The following NBPF20 variants were observed in gnomAD, a reference collection of about 807,000 sequenced individuals.
NBPF20 encodes NBPF family member NBPF20.
A neutral mutation model predicts 68.1 loss-of-function variants in NBPF20; 90 were observed. The observed-to-expected ratio is 1.32, with a 90% CI of 1.11 to 1.58. NBPF20 has a LOEUF of 1.58. Among genes scored for constraint, NBPF20 ranks in the 40% most tolerant of loss-of-function variants. The probability of loss-of-function intolerance (pLI) is 0.00; values close to 1 mark genes in which losing one functional copy is unlikely to be tolerated. For synonymous variants in NBPF20, 290 were observed against 228.1 expected (o/e 1.27, Z -2.45); for missense variants, 816 against 601.2 (o/e 1.36, Z -3.74).
chr1:145,394,816 C>G (rs1428830782), intron 8 of NBPF20, among the ~76,000 whole-genome samples, 162 bp downstream of exon 13: 2 of 152,254 alleles, frequency 1.3e-5, no homozygotes, highest in African/African-American at 4.8e-5. Context: ...CATGCCTGTG[C>G]TTCAGACTCG....
chr1:145,397,561 C>T lies in NBPF20; in HGVS notation c.827+1488G>A, dbSNP rs1393983058. 5.4e-4 allele frequency among the ~76,000 whole-genome samples: 83 copies of T among 152,296 alleles called. 1 individual carries two copies. The highest frequency in any genetic ancestry group is 9.8e-4 in the Admixed American group (15 of 15,300). On this transcript the variant is annotated intron_variant, in intron 7 of 137. Coordinates refer to ENST00000369373, the Ensembl canonical transcript of NBPF20. ...AGAGATTTTGTCACCACCAGGCCTGCCTTACAAGAGCTCCTAAAGGAAGCA... is the reference window on the plus strand; with the variant it reads ...AGAGATTTTGTCACCACCAGGCCTGTCTTACAAGAGCTCCTAAAGGAAGCA...
At chr1:145,403,701 C>T (rs1294462812) in intron 2 of NBPF20, among the ~76,000 whole-genome samples, 1 of 151,986 alleles carries the variant, frequency 6.6e-6, no homozygotes. Flanking sequence ...GTCGGGAAGG[C>T]CCCTAGGACT....
At chr1:145,400,122 T>G (rs77003844) in intron 6 of NBPF20, among the ~76,000 whole-genome samples, 207 of 152,294 alleles carry the variant, frequency 1.4e-3, no homozygotes, top group African/African-American at 3.6e-3. Context: ...TCGAAGCTAG[T>G]AGGCCTGACA....
intron 2 of NBPF20, among the ~76,000 whole-genome samples, chr1:145,403,914 A>C (rs1264147086): frequency 6.6e-6 from 1 of 151,574 alleles, no homozygotes; most frequent in Non-Finnish European, 1.5e-5. Context: ...TAGAAACAGC[A>C]GAATGAAGAA....
chr1:145,405,314 A>T lies in NBPF20; in HGVS notation c.-35-7T>A. The T allele has an allele frequency of 6.4e-7, 1 of 1,554,586 alleles. No homozygotes were observed. The highest frequency in any genetic ancestry group is 8.8e-7 in the Non-Finnish European group (1 of 1,131,470). On this transcript the variant is annotated splice_region_variant and splice_polypyrimidine_tract_variant and intron_variant, in intron 1 of 137. Coordinates refer to ENST00000369373, the Ensembl canonical transcript of NBPF20. ...GAAGAGGTGGAGTCAGGGACTGGGG[A>T]GAAGAAACCCAAACATATGATGGGT...
intron 9 of NBPF20, 42 bp downstream of exon 14, chr1:145,393,842 G>C (rs1436879197): frequency 7.1e-7 from 1 of 1,406,640 alleles, no homozygotes; most frequent in South Asian, 1.1e-5. Flanking sequence ...GCATCTCCAG[G>C]TGTCAACATC....
chr1:145,417,327 A>G, the NBPF20 span, among the ~76,000 whole-genome samples: 1 of 150,628 alleles, frequency 6.6e-6, no homozygotes. Context: ...TAAATCTTAC[A>G]CGTAAATGTA....
chr1:145,400,007 C>T (rs1662439559), intron 6 of NBPF20, among the ~76,000 whole-genome samples: 1 of 152,170 alleles, frequency 6.6e-6, no homozygotes, highest in South Asian at 2.1e-4. Flanking sequence ...AACAATATTT[C>T]CAAATACAAA....
At chr1:145,410,124 C>T (rs1347393985), upstream of NBPF20, among the ~76,000 whole-genome samples, 1 of 152,080 alleles carries the variant, frequency 6.6e-6, no homozygotes, top group African/African-American at 2.4e-5. Context: ...AGGAGCCATA[C>T]CATTTTTCAT....
chr1:145,424,582 A>G, the NBPF20 span, among the ~76,000 whole-genome samples: 1 of 152,242 alleles, frequency 6.6e-6, no homozygotes, highest in Admixed American at 6.5e-5. Flanking sequence ...TATCACTGCA[A>G]GAAAAGACTT....
chr1:145,408,830 T>C (rs1553668339), upstream of NBPF20, among the ~76,000 whole-genome samples: 2 of 152,060 alleles, frequency 1.3e-5, no homozygotes, highest in Non-Finnish European at 2.9e-5. Context: ...TGATTCTGGT[T>C]ATTAATCTCT....
intron 137 of NBPF20, 112 bp from the exon 143 acceptor site, chr1:145,291,881 T>C (rs368877511): frequency 1.9e-6 from 3 of 1,589,200 alleles, no homozygotes; most frequent in Admixed American, 3.7e-5. Flanking sequence ...AAAGGATAGA[T>C]CCATTAATGA....
At position 145,402,395 on chromosome 1, in the gene NBPF20, G is replaced by C; in HGVS notation, c.279-14C>G. The C allele has an allele frequency of 5.6e-6, 9 of 1,601,710 alleles. No homozygotes were observed. Among genetic ancestry groups the C allele is most frequent in the Non-Finnish European group, 6.8e-6 (8 of 1,170,570 alleles). ...ACTTTATATTGCCTAAGGTGAGACGGTAGAGAAAATTTAAGAGTGGAAAGG... is the reference window on the plus strand; with the variant it reads ...ACTTTATATTGCCTAAGGTGAGACGCTAGAGAAAATTTAAGAGTGGAAAGG... On this transcript the variant is annotated splice_polypyrimidine_tract_variant and intron_variant, in intron 3 of 137. Transcript: ENST00000369373.
chr1:145,409,730 G>C (rs1179870553), upstream of NBPF20, among the ~76,000 whole-genome samples: 1 of 151,700 alleles, frequency 6.6e-6, no homozygotes, highest in Non-Finnish European at 1.5e-5. Context: ...TTTAACTGAG[G>C]TTCCAGAGGA....
chr1:145,394,648 T>C (rs1662126229), intron 8 of NBPF20, among the ~76,000 whole-genome samples: 2 of 151,984 alleles, frequency 1.3e-5, no homozygotes, highest in African/African-American at 2.4e-5. Flanking sequence ...GACATTTAAT[T>C]CAGATGAGCT....
chr1:145,291,988 G>C lies in NBPF20; in HGVS notation c.16698-219C>G, dbSNP rs587654053. Among the ~76,000 whole-genome samples the C allele has an allele frequency of 1.5e-4, 22 of 149,126 alleles. No individual in the cohort carries two copies. The South Asian group carries it at 3.7e-3, about 25-fold the overall frequency. ...ACAGAGAGAGAGAGACAGAGACAGA[G>C]AGAGAGAGAAAGTGACCTAGTGAAT... On this transcript the variant is annotated intron_variant, in intron 137 of 137. Transcript: ENST00000369373.
At chr1:145,424,523 AT>A in the NBPF20 span, among the ~76,000 whole-genome samples, 1 of 152,248 alleles carries the variant, frequency 6.6e-6, no homozygotes, top group Non-Finnish European at 1.5e-5. Context: ...ACTGGGATTC[AT>A]TCTTTCGGCA....
intron 136 of NBPF20, among the ~76,000 whole-genome samples, chr1:145,292,702 T>G (rs1433083529): frequency 6.9e-6 from 1 of 144,324 alleles, no homozygotes. Flanking sequence ...CCTATTCTAG[T>G]AGATCGTTAT....
At chr1:145,291,860 T>C in intron 137 of NBPF20, 91 bp from the exon 143 acceptor site, 2 of 1,602,872 alleles carry the variant, frequency 1.2e-6, no homozygotes, top group Non-Finnish European at 1.7e-6. Flanking sequence ...AAGGAAGTGG[T>C]TAGAAAAGAA....
Sources: gnomAD v4.1 joint callset for allele counts (sites outside exome capture counted in the v4.1 genomes callset) on GRCh38, gnomAD v4.1.1 for gene constraint, MANE v1.5 for transcripts, NCBI Gene and HGNC (gene_info 2026-07-23, HGNC 2026-07-21) for gene names.